LRFN5: variants seen among roughly 807,000 people sequenced by gnomAD.
LRFN5 encodes leucine rich repeat and fibronectin type III domain containing 5, also known as leucine-rich repeat and fibronectin type-III domain-containing protein 5.
Under a neutral mutation model 45.6 loss-of-function variants are expected in LRFN5, and 24 were observed. The observed-to-expected ratio is 0.53, with a 90% CI of 0.38 to 0.74. The LOEUF (loss-of-function observed/expected upper bound fraction) is 0.74, where lower values mean the gene tolerates loss of function less well. LRFN5 is among the 30% of genes least tolerant of loss of function. The pLI is 0.00. For synonymous variants in LRFN5, 340 were observed against 313.8 expected, an observed-to-expected ratio of 1.08 and a Z score of -0.88; for missense variants, 776 against 861.5, an observed-to-expected ratio of 0.90 and a Z score of 1.24.
At chr14:41,865,713 C>T (rs1193796489) in intron 2 of LRFN5, among the ~76,000 whole-genome samples, 1 of 152,200 alleles carries the variant, frequency 6.6e-6, no homozygotes, top group Non-Finnish European at 1.5e-5. Flanking sequence ...AATTTCATTA[C>T]ATGTTCACCA....
chr14:41,754,321 A>G (rs1421893707), intron 1 of LRFN5, among the ~76,000 whole-genome samples: 1 of 152,134 alleles, frequency 6.6e-6, no homozygotes, highest in Non-Finnish European at 1.5e-5. Context: ...ATTGATCAGA[A>G]TAGTTTTAGA....
intron 1 of LRFN5, among the ~76,000 whole-genome samples, chr14:41,754,568 A>C (rs528190363): frequency 2.0e-5 from 3 of 152,226 alleles, no homozygotes; most frequent in Non-Finnish European, 2.9e-5. Flanking sequence ...TGTTTATAGT[A>C]TTCTCTGATG....
At chr14:41,856,388 C>T (rs1210874983) in intron 2 of LRFN5, among the ~76,000 whole-genome samples, 1 of 152,082 alleles carries the variant, frequency 6.6e-6, no homozygotes, top group Non-Finnish European at 1.5e-5. Context: ...AGTGCATAGC[C>T]TTTTCATTCA....
chr14:41,641,747 A>C (rs868405230), intron 1 of LRFN5, among the ~76,000 whole-genome samples: 3 of 152,076 alleles, frequency 2.0e-5, no homozygotes, highest in Non-Finnish European at 4.4e-5. Context: ...TTTATATTTA[A>C]AATATTTAGA....
intron 1 of LRFN5, among the ~76,000 whole-genome samples, chr14:41,739,530 A>G (rs977616238): frequency 2.6e-5 from 4 of 152,114 alleles, no homozygotes; most frequent in Non-Finnish European, 5.9e-5. Flanking sequence ...AAAAATGGAA[A>G]CACAATATAC....
intron 1 of LRFN5, among the ~76,000 whole-genome samples, chr14:41,641,034 G>T (rs753051274): frequency 4.6e-5 from 7 of 151,962 alleles, no homozygotes; most frequent in Non-Finnish European, 7.4e-5. Context: ...GTTTTTCAAA[G>T]ATATAGAATG....
intron 2 of LRFN5, among the ~76,000 whole-genome samples, chr14:41,843,611 C>A (rs528691926): frequency 6.6e-6 from 1 of 152,134 alleles, no homozygotes; most frequent in Middle Eastern, 3.4e-3. Context: ...GAGTAGCATT[C>A]GAGATTCCTT....
At chr14:41,889,472 T>C (rs1262364547) in intron 3 of LRFN5, among the ~76,000 whole-genome samples, 1 of 152,162 alleles carries the variant, frequency 6.6e-6, no homozygotes, top group Non-Finnish European at 1.5e-5. Context: ...ACATAACTCA[T>C]GGACTACTGT....
chr14:41,814,210 G>A (rs1431097381), intron 2 of LRFN5, among the ~76,000 whole-genome samples: 2 of 151,990 alleles, frequency 1.3e-5, no homozygotes, highest in Non-Finnish European at 2.9e-5. Context: ...ATTGCTTTTG[G>A]TATTTTAGTC....
chr14:41,789,248 T>G (rs1161784517), intron 2 of LRFN5, among the ~76,000 whole-genome samples: 1 of 152,066 alleles, frequency 6.6e-6, no homozygotes, highest in Non-Finnish European at 1.5e-5. Context: ...ATGCAGTCAA[T>G]TGTTGCCTTT....
chr14:41,618,030 C>T (rs1887983175), intron 1 of LRFN5, among the ~76,000 whole-genome samples: 1 of 152,086 alleles, frequency 6.6e-6, no homozygotes, highest in Admixed American at 6.6e-5. Flanking sequence ...CTCCTGTTAC[C>T]TCTTCCGTTT....
At chr14:41,831,548 A>G (rs144787607) in intron 2 of LRFN5, among the ~76,000 whole-genome samples, 49 of 152,330 alleles carry the variant, frequency 3.2e-4, no homozygotes, top group African/African-American at 1.2e-3. Flanking sequence ...GTAAGTATAT[A>G]CACATATCTC....
intron 1 of LRFN5, among the ~76,000 whole-genome samples, chr14:41,690,129 A>G (rs899487264): frequency 6.6e-6 from 1 of 152,192 alleles, no homozygotes; most frequent in African/African-American, 2.4e-5. Flanking sequence ...TGAACACAGT[A>G]CTTGCAAACC....
rs552401438 is a variant in LRFN5, at chr14:41,648,081, G to C, written c.-197+39519G>C. On this transcript the variant is annotated intron_variant, in intron 1 of 5. Transcript: ENST00000298119. ...ATCCTTTGTTCAATAGTATGCTTTT[G>C]GAGGTAACATACAAGCGCCATCAGC... Among the ~76,000 whole-genome samples the C allele has an allele frequency of 3.3e-5, 5 of 152,104 alleles. No individual in the cohort carries two copies. In the East Asian group the frequency reaches 9.6e-4, roughly 29 times the overall value.
At chr14:41,638,248 A>C (rs1329292269) in intron 1 of LRFN5, among the ~76,000 whole-genome samples, 1 of 152,036 alleles carries the variant, frequency 6.6e-6, no homozygotes, top group African/African-American at 2.4e-5. Context: ...TTCATGTCAC[A>C]CTAGATATAA....
intron 1 of LRFN5, among the ~76,000 whole-genome samples, chr14:41,640,611 C>T (rs1445698793): frequency 6.6e-6 from 1 of 152,126 alleles, no homozygotes; most frequent in Non-Finnish European, 1.5e-5. Context: ...TCAGCATTCA[C>T]AGAAGTAGGT....
Position 41,607,328 on chromosome 14 carries a change from G to T in LRFN5, c.-1431G>T, listed in dbSNP as rs1402994585. Among the ~76,000 whole-genome samples, 1 of 152,124 alleles carries T rather than the reference G, an allele frequency of 6.6e-6. No homozygotes were observed. The highest frequency in any genetic ancestry group is 1.5e-5 in the Non-Finnish European group (1 of 68,008). On this transcript the variant is annotated 5_prime_UTR_variant, in exon 1 of 6. Coordinates refer to ENST00000298119, the MANE Select transcript of LRFN5 (RefSeq NM_152447.5). Reference sequence around the variant, plus strand: ...AGAAAAAAAAAGCGCAACTGGACGGGGGTGGGGCAGACCAACGAAACCTAG... The same window carrying T: ...AGAAAAAAAAAGCGCAACTGGACGGTGGTGGGGCAGACCAACGAAACCTAG...
intron 1 of LRFN5, among the ~76,000 whole-genome samples, chr14:41,634,608 T>C (rs187440542): frequency 3.5e-4 from 53 of 152,296 alleles, no homozygotes; most frequent in Non-Finnish European, 1.2e-4. Flanking sequence ...TCCTGAAAAG[T>C]TGAAGTATGA....
At chr14:41,709,813 C>G (rs1883212279) in intron 1 of LRFN5, among the ~76,000 whole-genome samples, 1 of 151,902 alleles carries the variant, frequency 6.6e-6, no homozygotes, top group African/African-American at 2.4e-5. Context: ...AGATTTGTCT[C>G]AATTTTACCT....
Sources: gnomAD v4.1 joint callset for allele counts (sites outside exome capture counted in the v4.1 genomes callset) on GRCh38, gnomAD v4.1.1 for gene constraint, MANE v1.5 for transcripts, NCBI Gene and HGNC (gene_info 2026-07-23, HGNC 2026-07-21) for gene names.